Variants in CECR2 observed in about 807,000 individuals in gnomAD.
CECR2 encodes chromatin remodeling regulator CECR2.
CECR2 carries 30 observed loss-of-function variants against 154.5 expected under a neutral mutation model. That is an observed-to-expected ratio of 0.19 (90% confidence interval 0.15 to 0.26). The LOEUF is 0.26. Ranked by LOEUF, CECR2 falls within the 10% of genes least tolerant of loss-of-function variation. The pLI is 1.00. For synonymous variants in CECR2, 725 were observed against 683.7 expected (o/e 1.06, Z -0.94); for missense variants, 1,743 against 1,829.3 (o/e 0.95, Z 0.86).
chr22:17,375,217 G>A (rs1044853057), intron 1 of CECR2, among the ~76,000 whole-genome samples: 5 of 152,114 alleles, frequency 3.3e-5, no homozygotes, highest in East Asian at 1.9e-4. Flanking sequence ...GGGTTCAAGC[G>A]ATTCTCCTGC....
At chr22:17,475,327 G>A (rs1036986268) in intron 1 of CECR2, among the ~76,000 whole-genome samples, 12 of 152,046 alleles carry the variant, frequency 7.9e-5, no homozygotes, top group African/African-American at 2.9e-4. Flanking sequence ...CATTGGCCGG[G>A]GGGAGCAGCT....
chr22:17,515,213 T>C (rs1209188415), intron 8 of CECR2, among the ~76,000 whole-genome samples: 1 of 152,004 alleles, frequency 6.6e-6, no homozygotes, highest in East Asian at 1.9e-4. Context: ...GAGGCAGACA[T>C]ATTCAGCTAA....
intron 8 of CECR2, among the ~76,000 whole-genome samples, chr22:17,522,901 A>G (rs1280776773): frequency 6.6e-6 from 1 of 151,712 alleles, no homozygotes; most frequent in East Asian, 1.9e-4. Flanking sequence ...GCTACTCGAG[A>G]GGCTAAGGCA....
At chr22:17,538,436 C>G in intron 10 of CECR2, 84 bp from the exon 11 acceptor site, 6 of 1,184,192 alleles carry the variant, frequency 5.1e-6, no homozygotes, top group Non-Finnish European at 7.6e-6. Context: ...TTAGTTCAGT[C>G]AGGTGTGTCT....
At chr22:17,440,955 GA>G (rs1424398341) in intron 1 of CECR2, among the ~76,000 whole-genome samples, 2 of 150,988 alleles carry the variant, frequency 1.3e-5, no homozygotes, top group East Asian at 3.9e-4. Flanking sequence ...TTTTGGGGGG[GA>G]GGGGCAGGGG....
intron 16 of CECR2, among the ~76,000 whole-genome samples, chr22:17,547,724 C>T (rs1359476621): frequency 3.9e-5 from 6 of 152,124 alleles, no homozygotes; most frequent in Non-Finnish European, 7.3e-5. Context: ...CCTGAGCGCC[C>T]GTCATGCCCT....
At chr22:17,391,670 T>C (rs1313329877) in intron 1 of CECR2, among the ~76,000 whole-genome samples, 2 of 152,250 alleles carry the variant, frequency 1.3e-5, no homozygotes, top group African/African-American at 2.4e-5. Context: ...ATTATAATCA[T>C]TTGGGAGAAA....
chr22:17,552,901 A>T lies in CECR2; in HGVS notation c.*61A>T. 6.5e-7 allele frequency: 1 copy of T among 1,543,168 alleles called. No individual in the cohort carries two copies. On this transcript the variant is annotated 3_prime_UTR_variant, in exon 19 of 19. Coordinates refer to ENST00000262608, the MANE Select transcript of CECR2 (RefSeq NM_001290047.2). Reference sequence around the variant, plus strand: ...TGCACACGAAGACTGGAATGTGGAGAACTGGGGAGTGCCCTGTCAGCTCTA... The same window carrying T: ...TGCACACGAAGACTGGAATGTGGAGTACTGGGGAGTGCCCTGTCAGCTCTA...
At chr22:17,414,659 T>TC (rs34907289) in intron 1 of CECR2, among the ~76,000 whole-genome samples, 2 of 150,680 alleles carry the variant, frequency 1.3e-5, no homozygotes, top group Non-Finnish European at 3.0e-5. Flanking sequence ...ATGGTATCCC[T>TC]CCCCCTCCCC....
intron 16 of CECR2, among the ~76,000 whole-genome samples, chr22:17,547,169 A>C (rs2056627697): frequency 1.3e-5 from 2 of 152,098 alleles, no homozygotes; most frequent in African/African-American, 4.8e-5. Flanking sequence ...CTGAGAATGT[A>C]AACAAGCATA....
intron 10 of CECR2, among the ~76,000 whole-genome samples, chr22:17,538,197 A>G (rs919776136): frequency 3.9e-5 from 6 of 152,212 alleles, no homozygotes; most frequent in Non-Finnish European, 8.8e-5. Context: ...CAGCCTAGGC[A>G]ACAGAGCAAG....
At chr22:17,532,914 T>C (rs888093591) in intron 9 of CECR2, among the ~76,000 whole-genome samples, 4 of 151,264 alleles carry the variant, frequency 2.6e-5, no homozygotes, top group African/African-American at 9.7e-5. Flanking sequence ...AGAGATGGAG[T>C]CTCACCATGT....
intron 2 of CECR2, among the ~76,000 whole-genome samples, chr22:17,483,506 C>T (rs1286332283): frequency 6.6e-6 from 1 of 152,078 alleles, no homozygotes; most frequent in African/African-American, 2.4e-5. Flanking sequence ...GTAGTCTAAG[C>T]TACTAGGGAG....
rs559503889 is a variant in CECR2, at chr22:17,442,128, T to C, written c.127-35460T>C. 9.0e-5 allele frequency among the ~76,000 whole-genome samples: 13 copies of C among 144,678 alleles called. No homozygotes were observed. In the South Asian group the frequency reaches 9.3e-4, roughly 10 times the overall value. 94.9% of individuals were successfully genotyped at this position (144,678 alleles called of 152,430 possible). ...TACCTATTTTGAATTCAGAAGAAGA[T>C]TCAAGGTGGGAAAGACAGAAAAAAC... On this transcript the variant is annotated intron_variant, in intron 1 of 18. Coordinates refer to ENST00000262608, the MANE Select transcript of CECR2 (RefSeq NM_001290047.2).
chr22:17,367,654 TG>T (rs1166940907), upstream of CECR2, among the ~76,000 whole-genome samples: 5 of 151,958 alleles, frequency 3.3e-5, no homozygotes, highest in Non-Finnish European at 5.9e-5. Flanking sequence ...CCCAAAGTGC[TG>T]GGATTACAGG....
At chr22:17,538,395 C>A in intron 10 of CECR2, 125 bp from the exon 11 acceptor site, 1 of 857,258 alleles carries the variant, frequency 1.2e-6, no homozygotes, top group Non-Finnish European at 2.0e-6. Context: ...ACAGGCTCAT[C>A]TAAACCACAC....
At chr22:17,486,502 C>T (rs562792153) in intron 2 of CECR2, among the ~76,000 whole-genome samples, 13 of 152,266 alleles carry the variant, frequency 8.5e-5, no homozygotes, top group African/African-American at 2.4e-4. Context: ...ACTCTGGGGA[C>T]GCCCCTTGCG....
intron 1 of CECR2, among the ~76,000 whole-genome samples, chr22:17,376,668 T>C (rs1350390093): frequency 6.6e-6 from 1 of 151,572 alleles, no homozygotes; most frequent in East Asian, 1.9e-4. Context: ...AGATGGAGTC[T>C]TGCTTTGTCG....
intron 2 of CECR2, among the ~76,000 whole-genome samples, chr22:17,478,714 G>A (rs953873483): frequency 3.3e-5 from 5 of 152,100 alleles, no homozygotes; most frequent in African/African-American, 1.2e-4. Context: ...AACGATGCTT[G>A]TTGTTAATGT....
Sources: gnomAD v4.1 joint callset for allele counts (sites outside exome capture counted in the v4.1 genomes callset) on GRCh38, gnomAD v4.1.1 for gene constraint, MANE v1.5 for transcripts, NCBI Gene and HGNC (gene_info 2026-07-23, HGNC 2026-07-21) for gene names.